The following GTF2IRD2 variants were observed in gnomAD, a reference collection of about 807,000 sequenced individuals.
GTF2IRD2 encodes general transcription factor II-I repeat domain-containing protein 2A.
In GTF2IRD2, 8 loss-of-function variants were observed where a neutral mutation model predicts 49.2. The observed-to-expected ratio is 0.16, with a 90% CI of 0.10 to 0.29. The LOEUF (loss-of-function observed/expected upper bound fraction) is 0.29. GTF2IRD2 is among the 10% of genes least tolerant of loss of function. GTF2IRD2 has a pLI of 1.00. For synonymous variants in GTF2IRD2, 47 were observed against 289.7 expected, an observed-to-expected ratio of 0.16 and a Z score of 8.51; for missense variants, 130 against 725.7, an observed-to-expected ratio of 0.18 and a Z score of 9.43.
chr7:74,831,438 G>GACAC (rs782567944), intron 3 of GTF2IRD2, among the ~76,000 whole-genome samples: 12 of 110,866 alleles, frequency 1.1e-4, no homozygotes, highest in Non-Finnish European at 1.3e-4. Flanking sequence ...TACACACACA[G>GACAC]ACACACACAC....
At chr7:74,835,854 C>A (rs1276998588) in intron 2 of GTF2IRD2, among the ~76,000 whole-genome samples, 1 of 106,648 alleles carries the variant, frequency 9.4e-6, no homozygotes, top group Non-Finnish European at 1.7e-5. Context: ...GCGTAGTGGC[C>A]GGCGCCTGTA....
At chr7:74,818,466 T>TC (rs1798632264) in intron 8 of GTF2IRD2, among the ~76,000 whole-genome samples, 1 of 142,102 alleles carries the variant, frequency 7.0e-6, no homozygotes, top group East Asian at 2.2e-4. Context: ...CTCTTTTTTT[T>TC]TTTTTTTTTT....
chr7:74,822,068 A>C, intron 6 of GTF2IRD2: 2 of 300,620 alleles, frequency 6.7e-6, no homozygotes, highest in South Asian at 2.8e-5. Flanking sequence ...TTTTTTTGAG[A>C]CGGAGTCTTG....
At chr7:74,830,298 T>G in intron 3 of GTF2IRD2, among the ~76,000 whole-genome samples, 2 of 130,074 alleles carry the variant, frequency 1.5e-5, no homozygotes, top group African/African-American at 5.7e-5. Flanking sequence ...AGGTCAGGAG[T>G]CTAAGACCAG....
chr7:74,831,504 TACACACACACACAC>T (rs4029807), intron 3 of GTF2IRD2, among the ~76,000 whole-genome samples: 3 of 119,458 alleles, frequency 2.5e-5, no homozygotes, highest in Non-Finnish European at 3.6e-5. Context: ...TCTCTGTACA[TACACACACACACAC>T]ACACACACAC....
chr7:74,813,807 C>CA (rs1798329293), intron 8 of GTF2IRD2, among the ~76,000 whole-genome samples: 1 of 137,712 alleles, frequency 7.3e-6, no homozygotes, highest in African/African-American at 2.5e-5. Context: ...TCCACCCACC[C>CA]ACCTTGGTCT....
intron 3 of GTF2IRD2, among the ~76,000 whole-genome samples, chr7:74,825,962 G>T (rs1414624170): frequency 6.6e-6 from 1 of 151,702 alleles, no homozygotes; most frequent in Admixed American, 6.6e-5. Flanking sequence ...CACCACGCCC[G>T]GCTAATTTTT....
intron 3 of GTF2IRD2, among the ~76,000 whole-genome samples, chr7:74,831,504 TACACAC>T (rs4029807): frequency 6.4e-3 from 767 of 119,354 alleles, no homozygotes; most frequent in Non-Finnish European, 8.7e-3. Context: ...TCTCTGTACA[TACACAC>T]ACACACACAC....
chr7:74,836,618 T>A (rs1421409067), intron 1 of GTF2IRD2, among the ~76,000 whole-genome samples: 1 of 151,728 alleles, frequency 6.6e-6, no homozygotes, highest in Non-Finnish European at 1.5e-5. Context: ...CAGGCTGGAG[T>A]GCAGTGGCGC....
intron 3 of GTF2IRD2, among the ~76,000 whole-genome samples, chr7:74,827,414 G>C (rs1279835520): frequency 8.8e-6 from 1 of 114,232 alleles, no homozygotes. Flanking sequence ...GCTGGGCTAA[G>C]GCAGGGGACC....
intron 15 of GTF2IRD2, among the ~76,000 whole-genome samples, chr7:74,800,151 A>G (rs1391907552): frequency 7.3e-6 from 1 of 136,524 alleles, no homozygotes; most frequent in Non-Finnish European, 1.6e-5. Context: ...ATCATTTAGC[A>G]ATCAGATGCG....
chr7:74,827,938 T>A (rs1167284314), intron 3 of GTF2IRD2, among the ~76,000 whole-genome samples: 3 of 31,546 alleles, frequency 9.5e-5, no homozygotes, highest in Admixed American at 4.1e-4. Flanking sequence ...CTCCTGCCTC[T>A]CCCTCCCGAG....
chr7:74,811,044 A>G lies in GTF2IRD2; in HGVS notation c.749-92T>C, dbSNP rs587690911. 3.2e-5 allele frequency: 7 copies of G among 222,202 alleles called. 1 individual carries two copies. The highest frequency in any genetic ancestry group is 1.1e-3 in the Middle Eastern group (1 of 934). 13.8% of individuals were successfully genotyped at this position (222,202 alleles called of 1,614,324 possible). Reference sequence around the variant, plus strand: ...ACAATGCAAACAAGTCAATACCCACACAGGAATACACCTGAAATACTTCTA... The same window carrying G: ...ACAATGCAAACAAGTCAATACCCACGCAGGAATACACCTGAAATACTTCTA... On this transcript the variant is annotated intron_variant, in intron 9 of 15. Coordinates refer to ENST00000451013, the MANE Select transcript of GTF2IRD2 (RefSeq NM_173537.5).
chr7:74,842,791 C>T (rs1800962213), intron 1 of GTF2IRD2, among the ~76,000 whole-genome samples: 2 of 146,024 alleles, frequency 1.4e-5, no homozygotes, highest in African/African-American at 2.6e-5. Flanking sequence ...TGGGCTCAAA[C>T]GATCCTTCCA....
At chr7:74,802,942 G>GACCTCAGGCGATCTGGCCC (rs1554417040) in intron 14 of GTF2IRD2, among the ~76,000 whole-genome samples, 1 of 134,994 alleles carries the variant, frequency 7.4e-6, no homozygotes, top group Non-Finnish European at 1.6e-5. Flanking sequence ...TCATACTCCT[G>GACCTCAGGCGATCTGGCCC]ACCTCAGGCG....
rs1474460201 is a variant in GTF2IRD2 at position 74,797,685 on chromosome 7, G to C, written c.1827C>G (p.Asp609Glu). Residue 609 changes from aspartate (D) to glutamate (E), a missense_variant, in exon 16 of 16, where the codon GAC becomes GAG. Transcript: ENST00000451013. The part of the protein sequence containing the change: ...VEKSLKNFCI[D>E]WSKLVSVAST... ...AGGCCACGCTTACTAATTTCGACCAGTCGATACAGAAGTTTTTCAGGCTTT... is the reference window on the plus strand; with the variant it reads ...AGGCCACGCTTACTAATTTCGACCACTCGATACAGAAGTTTTTCAGGCTTT... 6 of 1,452,428 alleles carry C rather than the reference G, an allele frequency of 4.1e-6. No individual in the cohort carries two copies. Among genetic ancestry groups the C allele is most frequent in the Non-Finnish European group, 5.7e-6 (6 of 1,053,802 alleles). 90.0% of individuals were successfully genotyped at this position (1,452,428 alleles called of 1,614,324 possible).
At chr7:74,839,825 G>A (rs1245492406) in intron 1 of GTF2IRD2, among the ~76,000 whole-genome samples, 1 of 77,980 alleles carries the variant, frequency 1.3e-5, no homozygotes, top group Non-Finnish European at 2.3e-5. Context: ...CCAACATGGT[G>A]AGACCCCCCC....
rs587668044 is a variant in GTF2IRD2 at position 74,798,532 on chromosome 7, G to A, written c.1247-267C>T. On this transcript the variant is annotated intron_variant, in intron 15 of 15. Transcript: ENST00000451013. ...TTTTTGTTGTCGTTGTTGTTGAGAC[G>A]GAGTTTTGCTCTGTCGCCCAGGCTG... Among the ~76,000 whole-genome samples, 15 of 151,652 alleles carry A rather than the reference G, an allele frequency of 9.9e-5. No homozygotes were observed. In the South Asian group the frequency reaches 1.5e-3, roughly 15 times the overall value.
At chr7:74,826,927 G>T (rs1455708581) in intron 3 of GTF2IRD2, among the ~76,000 whole-genome samples, 1 of 151,700 alleles carries the variant, frequency 6.6e-6, no homozygotes, top group Non-Finnish European at 1.5e-5. Flanking sequence ...GGCCAGGCTG[G>T]TCTAGAACTA....
Sources: allele counts gnomAD v4.1 joint callset (sites outside exome capture counted in the v4.1 genomes callset), GRCh38; gene constraint gnomAD v4.1.1; transcripts MANE v1.5; gene names NCBI Gene and HGNC (gene_info 2026-07-23, HGNC 2026-07-21).